The following UVSSA variants were observed in gnomAD, a reference collection of about 807,000 sequenced individuals.
The protein encoded by UVSSA is UV-stimulated scaffold protein A.
A neutral mutation model predicts 73.9 loss-of-function variants in UVSSA; 72 were observed. That is an observed-to-expected ratio of 0.97 (90% CI 0.81 to 1.19). UVSSA has a LOEUF of 1.19. UVSSA is among the 50% of genes most tolerant of loss of function. UVSSA has a pLI of 0.00. For missense variants in UVSSA, 1,150 were observed against 965.0 expected (o/e 1.19, Z -2.54); for synonymous variants, 454 against 391.3 (o/e 1.16, Z -1.89).
intron 3 of UVSSA, among the ~76,000 whole-genome samples, chr4:1,350,650 C>T (rs1392666830): frequency 2.0e-5 from 3 of 152,106 alleles, no homozygotes; most frequent in Non-Finnish European, 4.4e-5. Context: ...CTGTGAACAC[C>T]TGGGTGTGAG....
At chr4:1,395,160 A>C (rs140577610) in exon 14 of UVSSA, 16,064 of 1,250,144 alleles carry the variant, frequency 0.013, 4,306 homozygotes, top group South Asian at 0.051. Context: ...GCCCATGTGG[A>C]GTGTTCGCCT....
chr4:1,375,245 G>T (rs1313773909), intron 8 of UVSSA, 119 bp from the exon 9 acceptor site: 17 of 1,503,626 alleles, frequency 1.1e-5, no homozygotes, highest in Non-Finnish European at 1.4e-5. Flanking sequence ...CACCCACCTC[G>T]GGACTGTTGG....
Position 1,353,409 on chromosome 4 carries a change from C to T in UVSSA, c.930C>T (p.Cys310=). ...SHKYTLDVEL[C]SEGLKVQENE... Reference sequence around the variant, plus strand: ...AGTACACGCTGGATGTGGAGCTCTGCTCAGGTAACTGCCTTCGCGGGGTCT... The same window carrying T: ...AGTACACGCTGGATGTGGAGCTCTGTTCAGGTAACTGCCTTCGCGGGGTCT... The change falls in exon 5 of 14, where the codon TGC becomes TGT. Residue 310 remains cysteine (C), a synonymous_variant. Transcript: ENST00000389851. The T allele has an allele frequency of 6.5e-7, 1 of 1,539,716 alleles. No individual in the cohort carries two copies. Among genetic ancestry groups the T allele is most frequent in the South Asian group, 1.2e-5 (1 of 81,822 alleles).
rs772370428 is a variant in UVSSA, at chr4:1,354,698, C to T, written c.935-37C>T. On this transcript the variant is annotated intron_variant, in intron 5 of 13. Transcript: ENST00000389851. ...TCCGGGGCCTGTGGGAGACGCCAGTCGGCGCCCTCTTGTGACCTCTGTGTG... is the reference window on the plus strand; with the variant it reads ...TCCGGGGCCTGTGGGAGACGCCAGTTGGCGCCCTCTTGTGACCTCTGTGTG... 27 of 1,587,148 alleles carry T rather than the reference C, an allele frequency of 1.7e-5. No individual in the cohort carries two copies. The African/African-American group carries it at 1.9e-4, about 11-fold the overall frequency.
At position 1,353,127 on chromosome 4, in the gene UVSSA, C is replaced by A. The variant is rs771114453; in HGVS notation, c.648C>A (p.Ser216=). 2 of 1,613,068 alleles carry A rather than the reference C, an allele frequency of 1.2e-6. No homozygotes were observed. Among genetic ancestry groups the A allele is most frequent in the Non-Finnish European group, 8.5e-7 (1 of 1,180,018 alleles). ...TTGACCCGAACCCGGAGACGGAATC[C>A]CTTGGCATGGCTTCTGGCATGTCCG... ...FDFDPNPETE[S]LGMASGMSDA... The change falls in exon 5 of 14, where the codon TCC becomes TCA. Residue 216 remains serine, a synonymous_variant. Transcript: ENST00000389851.
intron 7 of UVSSA, among the ~76,000 whole-genome samples, chr4:1,364,820 A>T (rs1717105002): frequency 6.6e-6 from 1 of 152,106 alleles, no homozygotes; most frequent in Non-Finnish European, 1.5e-5. Context: ...CATGACCTTC[A>T]GCTGCCCTAG....
intron 12 of UVSSA, among the ~76,000 whole-genome samples, chr4:1,382,671 G>C (rs1424855773): frequency 2.0e-5 from 3 of 152,234 alleles, no homozygotes; most frequent in Non-Finnish European, 4.4e-5. Flanking sequence ...TGTTTGGACA[G>C]TTTTCCTTAA....
chr4:1,370,846 C>T (rs908968174), intron 8 of UVSSA, among the ~76,000 whole-genome samples: 2 of 152,222 alleles, frequency 1.3e-5, no homozygotes, highest in African/African-American at 4.8e-5. Context: ...TTCAGACATG[C>T]AGCTTTTTCC....
intron 4 of UVSSA, among the ~76,000 whole-genome samples, chr4:1,352,723 A>G (rs1714978168): frequency 1.3e-5 from 2 of 152,268 alleles, no homozygotes; most frequent in Admixed American, 1.3e-4. Flanking sequence ...AGGCCAGGGC[A>G]GGCGGATCGC....
chr4:1,376,844 GGA>G (rs1426291801), intron 10 of UVSSA, among the ~76,000 whole-genome samples: 1 of 152,112 alleles, frequency 6.6e-6, no homozygotes, highest in African/African-American at 2.4e-5. Flanking sequence ...TCCACACCCG[GGA>G]GAGGGTGGGG....
intron 7 of UVSSA, among the ~76,000 whole-genome samples, chr4:1,359,667 G>A (rs2109143625): frequency 6.6e-6 from 1 of 152,228 alleles, no homozygotes; most frequent in Admixed American, 6.5e-5. Context: ...CAGCCACATG[G>A]GTTTGGCCGT....
In UVSSA at chr4:1,351,785, T is replaced by C. The variant is rs750308478; in HGVS notation, c.500T>C (p.Leu167Ser). 3 of 1,613,692 alleles carry C rather than the reference T, an allele frequency of 1.9e-6. No individual in the cohort carries two copies. The highest frequency in any genetic ancestry group is 2.5e-6 in the Non-Finnish European group (3 of 1,179,868). ...RKREEEKQKHLDKIYQERASQ... is the reference protein window; with the variant it reads ...RKREEEKQKHSDKIYQERASQ... ...AGAGAAGAGGAGAAGCAGAAGCACT[T>C]GGATAAAATTTATCAAGAAAGAGCC... The change falls in exon 4 of 14, where the codon TTG becomes TCG. Residue 167 changes from leucine to serine, a missense_variant. Coordinates refer to ENST00000389851, the MANE Select transcript of UVSSA (RefSeq NM_020894.4).
At position 1,347,412 on chromosome 4, in the gene UVSSA, A is replaced by C. The variant is rs1363361906; in HGVS notation, c.-351A>C. The C allele has an allele frequency of 2.0e-5, 3 of 152,056 alleles. No individual in the cohort carries two copies. Among genetic ancestry groups the C allele is most frequent in the African/African-American group, 7.3e-5 (3 of 41,372 alleles). 9.4% of individuals were successfully genotyped at this position (152,056 alleles called of 1,614,324 possible). ...GGCCGCAGCCCCCCGAGCACCGTCG[A>C]AGCCGGCGCGCCCGCCCGGTGCAGC... On this transcript the variant is annotated 5_prime_UTR_variant, in exon 1 of 14. Coordinates refer to ENST00000389851, the MANE Select transcript of UVSSA (RefSeq NM_020894.4).
rs914368258 is a variant in UVSSA, at chr4:1,351,105, G to A, written c.430-610G>A. Reference sequence around the variant, plus strand: ...TTTTAAGATGGAGTATTGCTTTGTTGCCCAGGTTGGAGTGCAGTGGTGCGA... The same window carrying A: ...TTTTAAGATGGAGTATTGCTTTGTTACCCAGGTTGGAGTGCAGTGGTGCGA... On this transcript the variant is annotated intron_variant, in intron 3 of 13. Transcript: ENST00000389851. Among the ~76,000 whole-genome samples, 12 of 151,752 alleles carry A rather than the reference G, an allele frequency of 7.9e-5. 2 individuals carry two copies. Among genetic ancestry groups the A allele is most frequent in the East Asian group, 3.9e-4 (2 of 5,132 alleles).
At position 1,348,132 on chromosome 4, in the gene UVSSA, C is replaced by T. The variant is rs1577268206; in HGVS notation, c.41C>T (p.Thr14Ile). 1 of 1,613,926 alleles carries T rather than the reference C, an allele frequency of 6.2e-7. No homozygotes were observed. Among genetic ancestry groups the T allele is most frequent in the South Asian group, 1.1e-5 (1 of 91,088 alleles). ...TCGAAGTTGGTAGAAGAGCTCACAACTTCAGGAGAACCCCGACTAAATCCT... is the reference window on the plus strand; with the variant it reads ...TCGAAGTTGGTAGAAGAGCTCACAATTTCAGGAGAACCCCGACTAAATCCT... The part of the protein sequence containing the change: ...KLSKLVEELT[T>I]SGEPRLNPEK... Residue 14 changes from threonine to isoleucine, a missense_variant, in exon 2 of 14, where the codon ACT (threonine) becomes ATT (isoleucine). Thr to Ile is a moderately conservative substitution (Grantham distance 89, BLOSUM62 -1). Transcript: ENST00000389851.
In UVSSA at chr4:1,349,618, G is replaced by A. The variant is rs759483900; in HGVS notation, c.193G>A (p.Val65Met). ...AEIRLSAFQI[V>M]EELFVRSHQF... is the part of the protein sequence containing the mutation. ...GATCCGTCTCTCAGCCTTCCAGATT[G>A]TGGAGGAACTCTTCGTCAGGTCTCA... Residue 65 changes from valine to methionine, a missense_variant, in exon 3 of 14, where the codon GTG (valine) becomes ATG (methionine). Coordinates refer to ENST00000389851, the MANE Select transcript of UVSSA (RefSeq NM_020894.4). The A allele has an allele frequency of 2.5e-6, 4 of 1,614,106 alleles. No homozygotes were observed. Among genetic ancestry groups the A allele is most frequent in the Admixed American group, 3.3e-5 (2 of 60,026 alleles).
At chr4:1,344,972 T>C (rs1577259935), upstream of UVSSA, among the ~76,000 whole-genome samples, 1 of 152,026 alleles carries the variant, frequency 6.6e-6, no homozygotes, top group East Asian at 1.9e-4. Context: ...GCTGGAGAAG[T>C]CAACCGGTGG....
chr4:1,395,575 C>T, exon 14 of UVSSA: 1 of 1,602,590 alleles, frequency 6.2e-7, no homozygotes, highest in Non-Finnish European at 8.5e-7. Context: ...CGCCTGCTCA[C>T]ACGTGCCCAT....
chr4:1,385,627 A>AC, intron 13 of UVSSA: 1 of 557,804 alleles, frequency 1.8e-6, no homozygotes. Context: ...GCGCAGAACC[A>AC]CCCGCCGCAG....
Sources: allele counts gnomAD v4.1 joint callset (sites outside exome capture counted in the v4.1 genomes callset), GRCh38; gene constraint gnomAD v4.1.1; transcripts MANE v1.5; gene names NCBI Gene and HGNC (gene_info 2026-07-23, HGNC 2026-07-21).